The following UTRN variants were observed in gnomAD, a reference collection of about 807,000 sequenced individuals.
UTRN encodes dystrophin-related protein 1.
UTRN carries 283 observed loss-of-function variants against 463.9 expected under a neutral mutation model. The observed-to-expected ratio is 0.61, with a 90% CI of 0.55 to 0.67. The LOEUF is 0.67. Ranked by LOEUF, UTRN falls within the 30% of genes least tolerant of loss-of-function variation. The pLI, the probability that UTRN is intolerant of heterozygous loss-of-function variation, is 0.00. For missense variants in UTRN, 3,922 were observed against 4,084.3 expected (o/e 0.96, Z 1.08); for synonymous variants, 1,442 against 1,431.5 (o/e 1.01, Z -0.17).
intron 66 of UTRN, among the ~76,000 whole-genome samples, chr6:144,824,514 T>TATATGTATATATACACAAATATAATAC (rs1779903980): frequency 7.2e-6 from 1 of 139,562 alleles, no homozygotes; most frequent in Non-Finnish European, 1.5e-5. Flanking sequence ...ATATTGTATA[T>TATATGTATATATACACAAATATAATAC]ATATGTATAT....
chr6:144,647,047 A>G (rs1778374593), intron 51 of UTRN, among the ~76,000 whole-genome samples: 1 of 152,172 alleles, frequency 6.6e-6, no homozygotes, highest in African/African-American at 2.4e-5. Context: ...AGAAGAGAGG[A>G]TAGGAGTAAA....
Position 144,557,294 on chromosome 6 carries a change from G to A in UTRN, c.7272G>A (p.Trp2424Ter). 1 of 1,613,238 alleles carries A rather than the reference G, an allele frequency of 6.2e-7. No homozygotes were observed. Among genetic ancestry groups the A allele is most frequent in the Non-Finnish European group, 8.5e-7 (1 of 1,179,510 alleles). Residue 2424 changes from tryptophan to a stop codon, truncating the protein, a stop_gained, in exon 50 of 75, where the codon TGG becomes TGA. Coordinates refer to ENST00000367545, the MANE Select transcript of UTRN (RefSeq NM_007124.3). LOFTEE classifies it high-confidence loss of function. Reference protein sequence around the residue: ...KETTEYLKTSWINLKQSIADR... With the variant: ...KETTEYLKTS ...CCACAGAGTACTTAAAAACATCATG[G>A]ATCAATCTCAAACAAAGGTAAGTCT...
At chr6:144,547,082 A>G (rs1364157423) in intron 46 of UTRN, among the ~76,000 whole-genome samples, 1 of 152,160 alleles carries the variant, frequency 6.6e-6, no homozygotes, top group Non-Finnish European at 1.5e-5. Flanking sequence ...CTTAACCTAG[A>G]GCTTCTCAGA....
At chr6:144,706,771 C>A (rs895540561) in intron 53 of UTRN, 3 of 152,190 alleles carry the variant, frequency 2.0e-5, no homozygotes, top group African/African-American at 7.2e-5. Context: ...TGAACATTTA[C>A]AAATTTTAAC....
intron 59 of UTRN, 75 bp downstream of exon 59, chr6:144,772,043 T>TG: frequency 9.1e-7 from 1 of 1,094,810 alleles, no homozygotes; most frequent in South Asian, 1.7e-5. Flanking sequence ...TTTTTTTTTT[T>TG]TTTTTTTTTT....
chr6:144,742,686 T>C lies in UTRN; in HGVS notation c.7940-5560T>C, dbSNP rs137958082. Among the ~76,000 whole-genome samples, 143 of 152,284 alleles carry C rather than the reference T, an allele frequency of 9.4e-4. 2 individuals are homozygous for C. The South Asian group carries it at 0.014, about 15-fold the overall frequency. The stretch of plus-strand genomic sequence containing the variant: ...TCAAGAACCTACTGTGTGCCACACA[T>C]GTGCCAGTAGCTTTCTATGTATTAA... On this transcript the variant is annotated intron_variant, in intron 54 of 74. Coordinates refer to ENST00000367545, the MANE Select transcript of UTRN (RefSeq NM_007124.3).
intron 2 of UTRN, among the ~76,000 whole-genome samples, chr6:144,383,183 T>C (rs1377519446): frequency 6.6e-6 from 1 of 152,170 alleles, no homozygotes; most frequent in African/African-American, 2.4e-5. Flanking sequence ...CCACTCGCCT[T>C]AGCCTCCCAA....
chr6:144,847,248 T>G (rs1782099593), intron 74 of UTRN, among the ~76,000 whole-genome samples: 1 of 152,250 alleles, frequency 6.6e-6, no homozygotes, highest in African/African-American at 2.4e-5. Context: ...AAAATTTTGC[T>G]GAGAACTGTT....
intron 32 of UTRN, among the ~76,000 whole-genome samples, chr6:144,491,907 G>A (rs1254502094): frequency 3.3e-5 from 5 of 152,210 alleles, no homozygotes; most frequent in Non-Finnish European, 5.9e-5. Flanking sequence ...TAGGTGTCAA[G>A]AGAAGCTGTT....
intron 53 of UTRN, among the ~76,000 whole-genome samples, chr6:144,716,179 A>G (rs1031646182): frequency 1.3e-5 from 2 of 151,666 alleles, no homozygotes; most frequent in Non-Finnish European, 2.9e-5. Context: ...AAAGATTTTT[A>G]TTTAAGGGAA....
intron 2 of UTRN, among the ~76,000 whole-genome samples, chr6:144,376,122 G>A (rs1437197699): frequency 1.3e-5 from 2 of 152,132 alleles, no homozygotes; most frequent in Non-Finnish European, 2.9e-5. Flanking sequence ...AAGTAGCTGG[G>A]ACTACAGGTG....
At chr6:144,755,298 C>T (rs576282706) in intron 57 of UTRN, among the ~76,000 whole-genome samples, 14 of 152,192 alleles carry the variant, frequency 9.2e-5, no homozygotes, top group Admixed American at 2.0e-4. Context: ...TCGAGTATTG[C>T]GTATGTAGCC....
At chr6:144,519,392 T>C (rs1169360495) in intron 39 of UTRN, among the ~76,000 whole-genome samples, 1 of 152,136 alleles carries the variant, frequency 6.6e-6, no homozygotes, top group Non-Finnish European at 1.5e-5. Context: ...TATGGTTTGG[T>C]AAAAACAAAA....
chr6:144,448,819 T>C (rs1328557037), intron 17 of UTRN, 50 bp downstream of exon 17: 1 of 1,580,480 alleles, frequency 6.3e-7, no homozygotes, highest in Non-Finnish European at 8.6e-7. Flanking sequence ...ACATACTATA[T>C]TTTCTACTTG....
At chr6:144,562,596 G>T (rs1254659906) in intron 50 of UTRN, among the ~76,000 whole-genome samples, 1 of 152,050 alleles carries the variant, frequency 6.6e-6, no homozygotes, top group Non-Finnish European at 1.5e-5. Flanking sequence ...TCTTTATCCA[G>T]TCCATCATTG....
chr6:144,656,464 C>T (rs995282602), intron 51 of UTRN, among the ~76,000 whole-genome samples: 4 of 152,264 alleles, frequency 2.6e-5, no homozygotes, highest in African/African-American at 7.2e-5. Context: ...CCAGCTGGAG[C>T]GCAGTGGCAC....
intron 59 of UTRN, among the ~76,000 whole-genome samples, chr6:144,773,974 G>A (rs1212206176): frequency 6.6e-6 from 1 of 152,184 alleles, no homozygotes; most frequent in Non-Finnish European, 1.5e-5. Flanking sequence ...CCAGAGGTCA[G>A]AGAGACCTTA....
chr6:144,382,258 G>A (rs1376634651), intron 2 of UTRN, among the ~76,000 whole-genome samples: 1 of 152,252 alleles, frequency 6.6e-6, no homozygotes, highest in African/African-American at 2.4e-5. Context: ...TGCAGGCACA[G>A]GGTAGATTCC....
intron 53 of UTRN, among the ~76,000 whole-genome samples, chr6:144,728,624 G>A (rs1002547057): frequency 1.8e-4 from 27 of 149,558 alleles, no homozygotes; most frequent in Admixed American, 1.0e-3. Flanking sequence ...ATTGCTGTGT[G>A]AATTTAGTTG....
Sources: allele counts gnomAD v4.1 joint callset (sites outside exome capture counted in the v4.1 genomes callset), GRCh38; gene constraint gnomAD v4.1.1; transcripts MANE v1.5; gene names NCBI Gene and HGNC (gene_info 2026-07-23, HGNC 2026-07-21).